Variants in RBM20 observed in about 807,000 individuals in gnomAD.
RBM20 encodes the protein RNA-binding protein 20.
Under a neutral mutation model 110.1 loss-of-function variants are expected in RBM20, and 51 were observed. The observed-to-expected ratio is 0.46, with a 90% confidence interval of 0.37 to 0.59. The LOEUF (loss-of-function observed/expected upper bound fraction) is 0.59, where lower values mean the gene tolerates loss of function less well. Among genes scored for constraint, RBM20 ranks in the 20% least tolerant of loss-of-function variants. The pLI, the probability that RBM20 is intolerant of heterozygous loss-of-function variation, is 0.00. For missense variants in RBM20, 1,512 were observed against 1,574.9 expected (o/e 0.96, Z 0.68); for synonymous variants, 589 against 618.2 (o/e 0.95, Z 0.70).
intron 1 of RBM20, among the ~76,000 whole-genome samples, chr10:110,753,966 G>A (rs1223282647): frequency 6.6e-6 from 1 of 151,984 alleles, no homozygotes; most frequent in Non-Finnish European, 1.5e-5. Flanking sequence ...TGCACTTAGG[G>A]CCCACCCAAA....
chr10:110,825,261 C>T (rs1844969131), intron 12 of RBM20, among the ~76,000 whole-genome samples: 1 of 152,176 alleles, frequency 6.6e-6, no homozygotes, highest in Non-Finnish European at 1.5e-5. Context: ...TGGTACTGTG[C>T]TAGACACTCT....
chr10:110,822,628 C>T (rs1164801530), intron 11 of RBM20: 1 of 372,476 alleles, frequency 2.7e-6, no homozygotes, highest in Non-Finnish European at 5.3e-6. Flanking sequence ...AAGATTCTCA[C>T]TGTGAAAATA....
At position 110,784,821 on chromosome 10, in the gene RBM20, G is replaced by A. The variant is rs397516595; in HGVS notation, c.1459G>A (p.Val487Met). Reference protein sequence around the residue: ...DYASNLGTSYVPIPARSFTQS... With the variant: ...DYASNLGTSYMPIPARSFTQS... ...TGCCTCAAATCTTGGAACATCATACGTGCCCATTCCAGCAAGGTCATTCAC... is the reference window on the plus strand; with the variant it reads ...TGCCTCAAATCTTGGAACATCATACATGCCCATTCCAGCAAGGTCATTCAC... Residue 487 changes from valine (V) to methionine (M), a missense_variant, in exon 5 of 14, where the codon GTG (valine) becomes ATG (methionine). Around this residue, in one of 3 missense-constraint regions of RBM20, gnomAD observed 1,149 missense variants for 1,169.4 expected, o/e 0.98. Coordinates refer to ENST00000369519, the MANE Select transcript of RBM20 (RefSeq NM_001134363.3). The A allele has an allele frequency of 1.9e-5, 29 of 1,550,728 alleles. No homozygotes were observed. Among genetic ancestry groups the A allele is most frequent in the South Asian group, 8.3e-5 (7 of 84,034 alleles).
chr10:110,775,759 A>G (rs182449121), intron 1 of RBM20, among the ~76,000 whole-genome samples: 8 of 152,292 alleles, frequency 5.3e-5, no homozygotes, highest in African/African-American at 1.9e-4. Flanking sequence ...ACAGACAGGA[A>G]CCGTCTTTAA....
At chr10:110,811,841 C>T (rs1005465324) in intron 8 of RBM20, among the ~76,000 whole-genome samples, 3 of 152,154 alleles carry the variant, frequency 2.0e-5, no homozygotes, top group African/African-American at 7.2e-5. Context: ...GCTAAGAGGC[C>T]GGCTAATGGC....
intron 1 of RBM20, among the ~76,000 whole-genome samples, chr10:110,672,867 T>C (rs1042773999): frequency 5.3e-5 from 8 of 152,252 alleles, no homozygotes; most frequent in Admixed American, 1.3e-4. Flanking sequence ...ATATTTGGAA[T>C]AGTTCCTTTG....
chr10:110,687,331 A>T (rs557398840), intron 1 of RBM20, among the ~76,000 whole-genome samples: 1 of 152,346 alleles, frequency 6.6e-6, no homozygotes, highest in Admixed American at 6.5e-5. Flanking sequence ...ATGTGATTTA[A>T]ATCATCCATG....
chr10:110,740,066 C>T (rs1031886358), intron 1 of RBM20, among the ~76,000 whole-genome samples: 8 of 152,246 alleles, frequency 5.3e-5, no homozygotes, highest in Non-Finnish European at 8.8e-5. Flanking sequence ...CATTTCCGAG[C>T]CAACTGCTGA....
intron 1 of RBM20, among the ~76,000 whole-genome samples, chr10:110,698,131 A>G (rs1590623517): frequency 6.6e-6 from 1 of 151,950 alleles, no homozygotes; most frequent in Admixed American, 6.5e-5. Context: ...GATAGTCTCG[A>G]TCTCCTGACC....
In RBM20 at chr10:110,644,453, G is replaced by T. The variant is rs1467185349; in HGVS notation, c.-2G>T. The T allele has an allele frequency of 2.0e-6, 3 of 1,486,822 alleles. No homozygotes were observed. The highest frequency in any genetic ancestry group is 1.8e-6 in the Non-Finnish European group (2 of 1,122,640). The allele number at this position is 1,486,822 out of a possible 1,614,324, so 92.1% of individuals were successfully genotyped here. Reference sequence around the variant, plus strand: ...CGCGATCCCGGGCGGGTCTCGCCCCGCATGGTGCTGGCAGCAGCCATGAGC... The same window carrying T: ...CGCGATCCCGGGCGGGTCTCGCCCCTCATGGTGCTGGCAGCAGCCATGAGC... On this transcript the variant is annotated 5_prime_UTR_variant, in exon 1 of 14. Transcript: ENST00000369519. The surrounding 1 kb of genome is among the most constrained non-coding windows in gnomAD (Gnocchi z 4.3).
intron 1 of RBM20, among the ~76,000 whole-genome samples, chr10:110,728,547 TTC>T (rs1056029535): frequency 8.5e-5 from 13 of 152,200 alleles, no homozygotes; most frequent in African/African-American, 2.9e-4. Context: ...GACTTCAATT[TTC>T]TCTCTTTCTC....
chr10:110,824,337 A>G (rs141249730), intron 12 of RBM20, among the ~76,000 whole-genome samples: 79 of 152,318 alleles, frequency 5.2e-4, no homozygotes, highest in Middle Eastern at 3.4e-3. Context: ...TTCCCAGAAC[A>G]ATGCTACATA....
At chr10:110,721,300 G>A (rs1397040888) in intron 1 of RBM20, among the ~76,000 whole-genome samples, 10 of 152,158 alleles carry the variant, frequency 6.6e-5, no homozygotes, top group Admixed American at 3.3e-4. Context: ...CTGCCATATG[G>A]CAGCCCCTCA....
At chr10:110,703,387 AAAAG>A (rs200324429) in intron 1 of RBM20, among the ~76,000 whole-genome samples, 39 of 151,794 alleles carry the variant, frequency 2.6e-4, no homozygotes, top group East Asian at 1.5e-3. Flanking sequence ...TCAAAAAAAA[AAAAG>A]AAAGAAAGAA....
chr10:110,784,938 T>G, intron 5 of RBM20, 49 bp downstream of exon 5: 2 of 1,200,438 alleles, frequency 1.7e-6, no homozygotes, highest in Non-Finnish European at 2.4e-6. Flanking sequence ...TGATTATTAG[T>G]TTATTTATTT....
chr10:110,773,648 C>T (rs1457268709), intron 1 of RBM20, among the ~76,000 whole-genome samples: 1 of 152,152 alleles, frequency 6.6e-6, no homozygotes, highest in Non-Finnish European at 1.5e-5. Flanking sequence ...GTTAAGTTGA[C>T]ATTAATCCTC....
At position 110,836,142 on chromosome 10, in the gene RBM20, CT is replaced by C. The variant is rs1845125510; in HGVS notation, c.*165del. On this transcript the variant is annotated 3_prime_UTR_variant, in exon 14 of 14. Transcript: ENST00000369519. ...TTCCCAGAGACTCAGTGAAATGCCC[CT>C]GATATGTCTCCAGGAGCAAGTCACC... is the stretch of plus-strand genomic sequence containing the variant. 2 of 498,372 alleles carry C rather than the reference CT, an allele frequency of 4.0e-6. No homozygotes were observed. The highest frequency in any genetic ancestry group is 3.6e-5 in the Admixed American group (1 of 27,572). 30.9% of individuals were successfully genotyped at this position (498,372 alleles called of 1,614,324 possible). A position where few individuals can be genotyped will look rare whatever the true frequency, so the allele number is the denominator to read the frequency against.
rs1183208549 is a variant in RBM20, at chr10:110,796,570, C to A, written c.1528-938C>A. Among the ~76,000 whole-genome samples the A allele has an allele frequency of 3.9e-5, 6 of 152,218 alleles. No homozygotes were observed. The East Asian group carries it at 1.2e-3, about 29-fold the overall frequency. On this transcript the variant is annotated intron_variant, in intron 5 of 13. Coordinates refer to ENST00000369519, the MANE Select transcript of RBM20 (RefSeq NM_001134363.3). ...ACTAGCCTGGGCAATACAGCAAGAC[C>A]CTGTTTATACAAAAAATAAAAATTA...
rs79595989 is a variant in RBM20, at chr10:110,721,277, C to T, written c.192-59524C>T. ...GTTCCCTGCTGAGTCAATCTCCATC[C>T]CTAGAGCAATGCCTGCCATATGGCA... On this transcript the variant is annotated intron_variant, in intron 1 of 13. Coordinates refer to ENST00000369519, the MANE Select transcript of RBM20 (RefSeq NM_001134363.3). 4.1e-3 allele frequency among the ~76,000 whole-genome samples: 628 copies of T among 152,284 alleles called. 5 individuals are homozygous for T. The highest frequency in any genetic ancestry group is 0.014 in the African/African-American group (583 of 41,552).
Sources: allele counts gnomAD v4.1 joint callset (sites outside exome capture counted in the v4.1 genomes callset), GRCh38; gene constraint gnomAD v4.1.1; regional missense constraint gnomAD v4.1.1; non-coding constraint Gnocchi (gnomAD v3.1); transcripts MANE v1.5; gene names NCBI Gene and HGNC (gene_info 2026-07-23, HGNC 2026-07-21).